Variants in AIG1 observed in about 807,000 individuals in gnomAD.
AIG1 encodes the protein androgen induced 1, also known as androgen-induced gene 1 protein.
Under a neutral mutation model 31.4 loss-of-function variants are expected in AIG1, and 23 were observed. That is an observed-to-expected ratio of 0.73 (90% CI 0.53 to 1.04). The LOEUF (loss-of-function observed/expected upper bound fraction) is 1.04. AIG1 is among the 50% of genes least tolerant of loss of function. The probability of loss-of-function intolerance (pLI) is 0.00; values close to 1 mark genes in which losing one functional copy is unlikely to be tolerated. For synonymous variants in AIG1, 100 were observed against 110.5 expected, an observed-to-expected ratio of 0.90 and a Z score of 0.60; for missense variants, 274 against 295.0, an observed-to-expected ratio of 0.93 and a Z score of 0.52.
chr6:143,060,794 C>A (rs1776154472), upstream of AIG1: 1 of 124,324 alleles, frequency 8.0e-6, no homozygotes, highest in Admixed American at 7.6e-5. Flanking sequence ...CCGCCCCCGC[C>A]CCCGCCCCCG....
chr6:143,343,055 G>C, downstream of AIG1: 6 of 787,900 alleles, frequency 7.6e-6, no homozygotes, highest in South Asian at 6.7e-5. Context: ...CGAAGATATG[G>C]ACCATCACTT....
intron 1 of AIG1, among the ~76,000 whole-genome samples, chr6:143,101,517 A>G (rs1276362765): frequency 6.6e-6 from 1 of 152,152 alleles, no homozygotes; most frequent in Non-Finnish European, 1.5e-5. Context: ...GGTAGAGATG[A>G]AGGGGAGGAG....
intron 2 of AIG1, among the ~76,000 whole-genome samples, chr6:143,162,729 GT>G (rs1410601198): frequency 6.6e-6 from 1 of 152,170 alleles, no homozygotes; most frequent in Admixed American, 6.5e-5. Context: ...AGAAACACAT[GT>G]GCCTTTACCA....
At chr6:143,208,696 C>G (rs1791332758) in intron 3 of AIG1, among the ~76,000 whole-genome samples, 1 of 152,082 alleles carries the variant, frequency 6.6e-6, no homozygotes, top group East Asian at 1.9e-4. Context: ...ATAAAAGCAA[C>G]CCCATAAAAC....
chr6:143,282,140 C>T (rs1024044311), intron 3 of AIG1, among the ~76,000 whole-genome samples: 1 of 151,954 alleles, frequency 6.6e-6, no homozygotes, highest in African/African-American at 2.4e-5. Context: ...TTTATACAAC[C>T]AATATATATT....
In AIG1 at chr6:143,288,701, C is replaced by G. The variant is rs927405930; in HGVS notation, c.515+4476C>G. Among the ~76,000 whole-genome samples, 2 of 152,152 alleles carry G rather than the reference C, an allele frequency of 1.3e-5. No individual in the cohort carries two copies. Among genetic ancestry groups the G allele is most frequent in the African/African-American group, 4.8e-5 (2 of 41,420 alleles). The stretch of plus-strand genomic sequence containing the variant: ...TAAAGAGGTTTATTCTGAGGCAATA[C>G]GAGTGACCATGGCCCAGGAAACAGT... On this transcript the variant is annotated intron_variant, in intron 4 of 5. Coordinates refer to ENST00000357847, the MANE Select transcript of AIG1 (RefSeq NM_016108.4). This position sits in a 1 kb window ranked among gnomAD's most constrained non-coding sequence, Gnocchi z 4.4.
upstream of AIG1, among the ~76,000 whole-genome samples, chr6:143,060,023 C>T (rs182725891): frequency 1.3e-5 from 2 of 152,326 alleles, no homozygotes; most frequent in Middle Eastern, 6.8e-3. Flanking sequence ...TATTAAATTA[C>T]ACGCAGGGGT....
At chr6:143,259,998 T>C (rs955675268) in intron 3 of AIG1, among the ~76,000 whole-genome samples, 1 of 148,960 alleles carries the variant, frequency 6.7e-6, no homozygotes, top group African/African-American at 2.5e-5. Context: ...ACAGTGAGGG[T>C]CTTGTGCTTC....
chr6:143,308,398 G>A (rs1161985800), intron 4 of AIG1, among the ~76,000 whole-genome samples: 3 of 152,322 alleles, frequency 2.0e-5, no homozygotes, highest in East Asian at 1.9e-4. Flanking sequence ...TAACATTGAG[G>A]AATGAAAACA....
chr6:143,170,939 G>A (rs2128572232), intron 3 of AIG1, among the ~76,000 whole-genome samples: 1 of 151,920 alleles, frequency 6.6e-6, no homozygotes, highest in South Asian at 2.1e-4. Flanking sequence ...AAACAATGAA[G>A]GAAGCCTGCA....
At chr6:143,238,680 A>G (rs1218496178) in intron 3 of AIG1, among the ~76,000 whole-genome samples, 1 of 152,238 alleles carries the variant, frequency 6.6e-6, no homozygotes, top group African/African-American at 2.4e-5. Context: ...ACACGCTAGC[A>G]ATGGCCATTT....
At chr6:143,097,047 A>C (rs1041022676) in intron 1 of AIG1, among the ~76,000 whole-genome samples, 2 of 152,236 alleles carry the variant, frequency 1.3e-5, no homozygotes, top group African/African-American at 4.8e-5. Context: ...AACCATTATT[A>C]TATGACCTAA....
At chr6:143,165,039 A>T (rs1209166249) in intron 2 of AIG1, 43 bp from the exon 3 acceptor site, 1 of 1,394,394 alleles carries the variant, frequency 7.2e-7, no homozygotes, top group Non-Finnish European at 1.0e-6. Flanking sequence ...TATGTTGTGG[A>T]TAGTCGATGA....
At chr6:143,085,302 C>A (rs1202152768) in intron 1 of AIG1, among the ~76,000 whole-genome samples, 2 of 152,166 alleles carry the variant, frequency 1.3e-5, no homozygotes, top group Non-Finnish European at 2.9e-5. Context: ...GAGCATTAGT[C>A]ATAGGTGTCC....
intron 1 of AIG1, among the ~76,000 whole-genome samples, chr6:143,103,570 G>C (rs1048981459): frequency 1.4e-5 from 2 of 146,620 alleles, no homozygotes; most frequent in African/African-American, 5.1e-5. Context: ...TGCAGTGGCG[G>C]GATCTCGGCT....
chr6:143,303,448 A>T (rs1255596383), intron 4 of AIG1, among the ~76,000 whole-genome samples: 1 of 151,948 alleles, frequency 6.6e-6, no homozygotes, highest in Non-Finnish European at 1.5e-5. Context: ...ACATATGGCT[A>T]GCCAGTTTTC....
chr6:143,202,230 C>G (rs2128607567), intron 3 of AIG1, among the ~76,000 whole-genome samples: 1 of 152,250 alleles, frequency 6.6e-6, no homozygotes, highest in South Asian at 2.1e-4. Context: ...GTAAGCACTA[C>G]CAAATCAAGT....
rs942343015 is a variant in AIG1, at chr6:143,280,723, G to C, written c.400-3387G>C. Reference sequence around the variant, plus strand: ...ATAACAGACACTGGGGTCTACTTGAGGGGGAGGTTGGGAGGAGGGAGAGTA... The same window carrying C: ...ATAACAGACACTGGGGTCTACTTGACGGGGAGGTTGGGAGGAGGGAGAGTA... On this transcript the variant is annotated intron_variant, in intron 3 of 5. Transcript: ENST00000357847. The surrounding 1 kb of genome is among the most constrained non-coding windows in gnomAD (Gnocchi z 4.1). 2.0e-5 allele frequency among the ~76,000 whole-genome samples: 3 copies of C among 152,172 alleles called. No individual in the cohort carries two copies. The highest frequency in any genetic ancestry group is 4.4e-5 in the Non-Finnish European group (3 of 68,034).
At chr6:143,151,989 C>T (rs1424904361) in intron 2 of AIG1, among the ~76,000 whole-genome samples, 1 of 152,176 alleles carries the variant, frequency 6.6e-6, no homozygotes, top group African/African-American at 2.4e-5. Context: ...CATTATTGCT[C>T]TTTAATGCCC....
Sources: allele counts gnomAD v4.1 joint callset (sites outside exome capture counted in the v4.1 genomes callset), GRCh38; gene constraint gnomAD v4.1.1; non-coding constraint Gnocchi (gnomAD v3.1); transcripts MANE v1.5; gene names NCBI Gene and HGNC (gene_info 2026-07-23, HGNC 2026-07-21).